Variants in DNAH7 observed in about 807,000 individuals in gnomAD.
The protein encoded by DNAH7 is dynein axonemal heavy chain 7.
In DNAH7, 397 loss-of-function variants were observed where a neutral mutation model predicts 444.6. The observed-to-expected ratio is 0.89, with a 90% confidence interval of 0.82 to 0.97. The LOEUF is 0.97. Ranked by LOEUF, DNAH7 falls within the 50% of genes least tolerant of loss-of-function variation. The pLI, the probability that DNAH7 is intolerant of heterozygous loss-of-function variation, is 0.00. For missense variants in DNAH7, 4,902 were observed against 4,800.8 expected, an observed-to-expected ratio of 1.02 and a Z score of -0.62; for synonymous variants, 1,636 against 1,624.4, an observed-to-expected ratio of 1.01 and a Z score of -0.17.
intron 10 of DNAH7, among the ~76,000 whole-genome samples, chr2:196,010,043 A>G (rs1334486402): frequency 6.6e-6 from 1 of 152,186 alleles, no homozygotes; most frequent in East Asian, 1.9e-4. Flanking sequence ...GCTACTATCA[A>G]AAGTACAAAC....
intron 10 of DNAH7, among the ~76,000 whole-genome samples, chr2:196,003,837 T>C (rs1333246897): frequency 6.6e-6 from 1 of 152,050 alleles, no homozygotes; most frequent in Admixed American, 6.6e-5. Flanking sequence ...ATGCTAAGAG[T>C]CTCAGAGTTT....
chr2:195,824,494 A>G, intron 48 of DNAH7, 49 bp from the exon 49 acceptor site: 5 of 1,400,176 alleles, frequency 3.6e-6, no homozygotes, highest in Non-Finnish European at 4.8e-6. Context: ...TATTGACTAT[A>G]AATATTATAA....
chr2:196,019,059 A>C (rs533541987), intron 9 of DNAH7, 111 bp downstream of exon 9: 1 of 1,142,444 alleles, frequency 8.8e-7, no homozygotes, highest in East Asian at 3.1e-5. Flanking sequence ...TACTTACATT[A>C]AAATGGTAAT....
chr2:196,019,932 C>T (rs933992009), intron 8 of DNAH7, among the ~76,000 whole-genome samples: 1 of 151,644 alleles, frequency 6.6e-6, no homozygotes, highest in Admixed American at 6.6e-5. Flanking sequence ...GACCAATCTC[C>T]CTCTCCCTCC....
At chr2:195,763,961 AT>A (rs1393481854) in intron 61 of DNAH7, among the ~76,000 whole-genome samples, 3 of 151,870 alleles carry the variant, frequency 2.0e-5, no homozygotes, top group Admixed American at 6.6e-5. Flanking sequence ...ACAAGCCAAT[AT>A]CCCTGATTTT....
At chr2:195,951,217 C>A (rs976294043) in intron 19 of DNAH7, among the ~76,000 whole-genome samples, 3 of 152,112 alleles carry the variant, frequency 2.0e-5, no homozygotes, top group African/African-American at 7.2e-5. Context: ...CATTCAGGAG[C>A]AGGTTGTTCA....
intron 5 of DNAH7, among the ~76,000 whole-genome samples, chr2:196,043,859 A>T (rs1468947607): frequency 2.6e-5 from 4 of 152,082 alleles, no homozygotes; most frequent in African/African-American, 9.7e-5. Flanking sequence ...ATGCAATACC[A>T]CTTTACTCCT....
chr2:195,960,599 G>C lies in DNAH7; in HGVS notation c.2552C>G (p.Pro851Arg), dbSNP rs370709655. ...IQVICNPGLR[P>R]RHWEAMSAIV... ...GGCAGACATGGCCTCCCAGTGCCTG[G>C]GGCGCAAACCAGGATTACAGATCAC... The change falls in exon 18 of 65, where the codon CCC (proline) becomes CGC (arginine). Residue 851 changes from proline (P) to arginine (R), a missense_variant. Pro to Arg is a moderately radical substitution (Grantham distance 103). Transcript: ENST00000312428. 3.0e-5 allele frequency: 49 copies of C among 1,614,076 alleles called. No homozygotes were observed. In the African/African-American group the frequency reaches 6.3e-4, roughly 21 times the overall value.
intron 5 of DNAH7, among the ~76,000 whole-genome samples, chr2:196,036,089 T>C (rs897555007): frequency 2.0e-5 from 3 of 150,002 alleles, no homozygotes; most frequent in African/African-American, 7.4e-5. Flanking sequence ...TGGAGTGCAA[T>C]GGCGTGATCT....
chr2:195,961,160 C>T (rs1234137362), intron 17 of DNAH7, among the ~76,000 whole-genome samples: 1 of 151,984 alleles, frequency 6.6e-6, no homozygotes, highest in Non-Finnish European at 1.5e-5. Context: ...TGGTACATAA[C>T]ATGTTTTGAG....
At chr2:195,850,803 G>A (rs1313316409) in intron 46 of DNAH7, among the ~76,000 whole-genome samples, 1 of 152,136 alleles carries the variant, frequency 6.6e-6, no homozygotes, top group African/African-American at 2.4e-5. Context: ...GGGGGAAGCA[G>A]GACAAGGAGG....
intron 55 of DNAH7, among the ~76,000 whole-genome samples, chr2:195,798,793 G>A (rs1824629): frequency 0.095 from 14,366 of 151,846 alleles, 768 homozygotes; most frequent in African/African-American, 0.14. Flanking sequence ...TGATCTGCCC[G>A]CCTCGGCCTC....
chr2:195,742,507 C>A (rs1693106297), intron 63 of DNAH7, among the ~76,000 whole-genome samples: 1 of 152,114 alleles, frequency 6.6e-6, no homozygotes, highest in African/African-American at 2.4e-5. Context: ...TCTTTCCAAC[C>A]CATCAATTGT....
In DNAH7 at chr2:195,851,511, A is replaced by C. The variant is rs563389552; in HGVS notation, c.8781+1832T>G. ...AGTTGAATGTGGCTTTGTGTCTGTC[A>C]GTAAATTTCCAAGTCTCAGTTCACA... is the stretch of plus-strand genomic sequence containing the variant. On this transcript the variant is annotated intron_variant, in intron 46 of 64. Coordinates refer to ENST00000312428, the MANE Select transcript of DNAH7 (RefSeq NM_018897.3). Among the ~76,000 whole-genome samples, 37 of 152,324 alleles carry C rather than the reference A, an allele frequency of 2.4e-4. No individual in the cohort carries two copies. In the Middle Eastern group the frequency reaches 0.01, roughly 42 times the overall value.
chr2:195,806,336 AC>A (rs1270939039), intron 54 of DNAH7, among the ~76,000 whole-genome samples: 1 of 152,186 alleles, frequency 6.6e-6, no homozygotes, highest in African/African-American at 2.4e-5. Context: ...TCAAATTCCA[AC>A]AAAAAACTAT....
chr2:195,955,695 G>A (rs1357303602), intron 19 of DNAH7, among the ~76,000 whole-genome samples: 5 of 151,904 alleles, frequency 3.3e-5, no homozygotes, highest in Non-Finnish European at 7.4e-5. Context: ...AAATTTCTTG[G>A]CAATATGGAA....
At chr2:195,923,842 T>A in intron 22 of DNAH7, 35 bp from the exon 23 acceptor site, 1 of 1,584,306 alleles carries the variant, frequency 6.3e-7, no homozygotes, top group East Asian at 2.2e-5. Context: ...GATTTCCCAA[T>A]GTGATCAAAA....
intron 22 of DNAH7, among the ~76,000 whole-genome samples, chr2:195,926,170 T>C (rs913137635): frequency 3.9e-4 from 60 of 152,122 alleles, no homozygotes; most frequent in African/African-American, 1.4e-3. Flanking sequence ...ATAACAAGAT[T>C]GAGGTTCAAG....
Position 195,855,474 on chromosome 2 carries a change from G to A in DNAH7, c.8595+337C>T, listed in dbSNP as rs192367841. Reference sequence around the variant, plus strand: ...TAATCTAGCTCAATATTATATTCTAGTAATCTAAGGCAGACAGACTGACAT... The same window carrying A: ...TAATCTAGCTCAATATTATATTCTAATAATCTAAGGCAGACAGACTGACAT... On this transcript the variant is annotated intron_variant, in intron 45 of 64. Transcript: ENST00000312428. Among the ~76,000 whole-genome samples the A allele has an allele frequency of 4.0e-5, 6 of 151,806 alleles. No individual in the cohort carries two copies. The East Asian group carries it at 1.2e-3, about 30-fold the overall frequency.
Sources: gnomAD v4.1 joint callset for allele counts (sites outside exome capture counted in the v4.1 genomes callset) on GRCh38, gnomAD v4.1.1 for gene constraint, MANE v1.5 for transcripts, NCBI Gene and HGNC (gene_info 2026-07-23, HGNC 2026-07-21) for gene names.